ATP8B4: variants seen among roughly 807,000 people sequenced by gnomAD.
ATP8B4 encodes the protein probable phospholipid-transporting ATPase IM.
A neutral mutation model predicts 145.6 loss-of-function variants in ATP8B4; 133 were observed. The observed-to-expected ratio is 0.91, with a 90% CI of 0.79 to 1.05. ATP8B4 has a LOEUF of 1.05. ATP8B4 is among the 50% of genes least tolerant of loss of function. ATP8B4 has a pLI of 0.00. For synonymous variants in ATP8B4, 507 were observed against 492.9 expected (o/e 1.03, Z -0.38); for missense variants, 1,458 against 1,425.2 (o/e 1.02, Z -0.37).
At chr15:50,106,476 G>A (rs934171341) in intron 2 of ATP8B4, among the ~76,000 whole-genome samples, 19 of 152,082 alleles carry the variant, frequency 1.2e-4, no homozygotes, top group Admixed American at 2.6e-4. Context: ...CTAACTATAC[G>A]AACTCTGTTT....
intron 25 of ATP8B4, among the ~76,000 whole-genome samples, chr15:49,874,804 G>A (rs2034153988): frequency 6.6e-6 from 1 of 152,110 alleles, no homozygotes; most frequent in Non-Finnish European, 1.5e-5. Context: ...TTTTTAAAAT[G>A]TGATAGTTTC....
At chr15:49,880,166 A>C (rs1219740304) in intron 23 of ATP8B4, 1 of 152,242 alleles carries the variant, frequency 6.6e-6, no homozygotes, top group Non-Finnish European at 1.5e-5. Context: ...CAACTTAATT[A>C]GTTAGAAGGT....
At chr15:49,876,654 A>G (rs1209481852) in intron 24 of ATP8B4, 131 bp from the exon 25 acceptor site, 3 of 1,234,440 alleles carry the variant, frequency 2.4e-6, no homozygotes, top group Non-Finnish European at 3.5e-6. Flanking sequence ...GGGCCAGAAC[A>G]GGACATTATC....
chr15:50,077,043 T>C (rs748078102), intron 2 of ATP8B4, among the ~76,000 whole-genome samples: 2 of 152,206 alleles, frequency 1.3e-5, no homozygotes, highest in African/African-American at 2.4e-5. Context: ...AATGACCTAA[T>C]GCCTGATACT....
chr15:49,976,928 T>C (rs2045717524), intron 12 of ATP8B4, among the ~76,000 whole-genome samples: 1 of 152,090 alleles, frequency 6.6e-6, no homozygotes, highest in Non-Finnish European at 1.5e-5. Flanking sequence ...ACAAGCAACA[T>C]AGAAATGAAT....
chr15:50,169,176 A>G (rs1249396971), intron 1 of ATP8B4, among the ~76,000 whole-genome samples: 4 of 152,208 alleles, frequency 2.6e-5, no homozygotes. Context: ...CCACACTACT[A>G]CAGCTGATGC....
Position 49,974,661 on chromosome 15 carries a change from C to T in ATP8B4, c.1035-1871G>A, listed in dbSNP as rs1309924768. 2.0e-5 allele frequency among the ~76,000 whole-genome samples: 3 copies of T among 152,238 alleles called. No individual in the cohort carries two copies. In the East Asian group the frequency reaches 5.8e-4, roughly 29 times the overall value. ...CTTCTCTATGCCAAGATTATATATA[C>T]AGACATCTACATTTTTCTTTGTTTT... On this transcript the variant is annotated intron_variant, in intron 12 of 27. Coordinates refer to ENST00000284509, the MANE Select transcript of ATP8B4 (RefSeq NM_024837.4).
At chr15:50,017,260 C>A (rs941237657) in intron 6 of ATP8B4, among the ~76,000 whole-genome samples, 1 of 152,152 alleles carries the variant, frequency 6.6e-6, no homozygotes, top group Admixed American at 6.5e-5. Flanking sequence ...TAAAAATATT[C>A]TACAGATAAC....
At chr15:49,995,312 A>G (rs905803246) in intron 9 of ATP8B4, among the ~76,000 whole-genome samples, 1 of 152,200 alleles carries the variant, frequency 6.6e-6, no homozygotes, top group African/African-American at 2.4e-5. Context: ...GCCTCCATGA[A>G]TATTCAATGA....
rs561894786 is a variant in ATP8B4 at position 49,978,665 on chromosome 15, C to T, written c.1034+952G>A. 7.9e-5 allele frequency among the ~76,000 whole-genome samples: 12 copies of T among 151,784 alleles called. 1 individual carries two copies. In the South Asian group the frequency reaches 8.3e-4, roughly 11 times the overall value. On this transcript the variant is annotated intron_variant, in intron 12 of 27. Transcript: ENST00000284509. ...CTCCAATGTTTTGGGGACAGTCTGG[C>T]TCAGCCTTGTTAGGATTAGGATCAA...
chr15:50,126,871 C>A (rs905848923), intron 1 of ATP8B4, among the ~76,000 whole-genome samples: 3 of 143,560 alleles, frequency 2.1e-5, no homozygotes, highest in Non-Finnish European at 4.4e-5. Flanking sequence ...CCCACACCCC[C>A]CCGCCACCAA....
intron 5 of ATP8B4, among the ~76,000 whole-genome samples, chr15:50,043,307 A>G (rs1234531161): frequency 1.3e-5 from 2 of 152,166 alleles, no homozygotes; most frequent in African/African-American, 2.4e-5. Flanking sequence ...AAAATTCTCT[A>G]TTGCCTTATA....
chr15:49,864,034 C>A (rs2032343132), intron 26 of ATP8B4, among the ~76,000 whole-genome samples: 1 of 152,122 alleles, frequency 6.6e-6, no homozygotes, highest in South Asian at 2.1e-4. Flanking sequence ...TTCATTTTGG[C>A]AAACGATCTT....
At chr15:50,177,141 C>T (rs2044776221) in intron 1 of ATP8B4, among the ~76,000 whole-genome samples, 1 of 152,182 alleles carries the variant, frequency 6.6e-6, no homozygotes, top group Non-Finnish European at 1.5e-5. Context: ...GTCAGTCACA[C>T]AAAATTTCTA....
At chr15:50,021,128 ATAG>A (rs2049523645) in intron 6 of ATP8B4, among the ~76,000 whole-genome samples, 1 of 129,810 alleles carries the variant, frequency 7.7e-6, no homozygotes, top group African/African-American at 2.8e-5. Flanking sequence ...TGATAGATAG[ATAG>A]ATAGATAGAT....
intron 2 of ATP8B4, among the ~76,000 whole-genome samples, chr15:50,089,511 C>T (rs148806898): frequency 5.9e-5 from 9 of 151,594 alleles, no homozygotes; most frequent in Non-Finnish European, 1.3e-4. Flanking sequence ...GGGCAACAAA[C>T]ATGAAAAAAG....
chr15:50,077,451 G>A (rs1263836762), intron 2 of ATP8B4, among the ~76,000 whole-genome samples: 1 of 152,178 alleles, frequency 6.6e-6, no homozygotes, highest in Non-Finnish European at 1.5e-5. Context: ...AGATCATTTT[G>A]ACTGGGAGAA....
chr15:50,104,859 T>C (rs1297958636), intron 2 of ATP8B4, among the ~76,000 whole-genome samples: 1 of 16,786 alleles, frequency 6.0e-5, no homozygotes, highest in East Asian at 1.8e-3. Context: ...ATAAAGAAAA[T>C]GTTGCATACA....
At chr15:49,970,010 A>G (rs994620698) in intron 13 of ATP8B4, among the ~76,000 whole-genome samples, 2 of 152,240 alleles carry the variant, frequency 1.3e-5, no homozygotes, top group Non-Finnish European at 2.9e-5. Context: ...AACAGAACCA[A>G]TGATAAAAAC....
Sources: allele counts gnomAD v4.1 joint callset (sites outside exome capture counted in the v4.1 genomes callset), GRCh38; gene constraint gnomAD v4.1.1; transcripts MANE v1.5; gene names NCBI Gene and HGNC (gene_info 2026-07-23, HGNC 2026-07-21).